The following ADGRD1 variants were observed in gnomAD, a reference collection of about 807,000 sequenced individuals.
The protein encoded by ADGRD1 is G-protein coupled receptor 133.
Under a neutral mutation model 113.4 loss-of-function variants are expected in ADGRD1, and 77 were observed. That is an observed-to-expected ratio of 0.68 (90% CI 0.57 to 0.82). The LOEUF (loss-of-function observed/expected upper bound fraction) is 0.82. ADGRD1 is among the 40% of genes least tolerant of loss of function. The pLI is 0.00. For synonymous variants in ADGRD1, 474 were observed against 475.0 expected (o/e 1.00, Z 0.03); for missense variants, 1,036 against 1,139.1 (o/e 0.91, Z 1.30).
intron 18 of ADGRD1, among the ~76,000 whole-genome samples, chr12:131,115,593 G>A (rs1452223547): frequency 1.3e-5 from 2 of 152,100 alleles, no homozygotes; most frequent in Non-Finnish European, 2.9e-5. Flanking sequence ...AATCTTAGGG[G>A]GCAGATGCCA....
At chr12:131,018,653 C>G (rs1397616114) in intron 13 of ADGRD1, among the ~76,000 whole-genome samples, 1 of 152,206 alleles carries the variant, frequency 6.6e-6, no homozygotes. Flanking sequence ...AAAGAGCCCA[C>G]CTCCCTGATA....
At chr12:130,985,985 C>T (rs1048632363) in intron 5 of ADGRD1, among the ~76,000 whole-genome samples, 1 of 151,826 alleles carries the variant, frequency 6.6e-6, no homozygotes, top group African/African-American at 2.4e-5. Context: ...TTTTATTGGT[C>T]TATCTCTGGG....
intron 2 of ADGRD1, among the ~76,000 whole-genome samples, chr12:130,960,575 T>C (rs201665325): frequency 7.1e-6 from 1 of 141,748 alleles, no homozygotes. Flanking sequence ...TATTTTTGCA[T>C]TTTATCATTC....
At chr12:131,063,513 G>A (rs1301131284) in intron 13 of ADGRD1, among the ~76,000 whole-genome samples, 1 of 152,044 alleles carries the variant, frequency 6.6e-6, no homozygotes, top group Non-Finnish European at 1.5e-5. Flanking sequence ...TTTGTTGAGG[G>A]GGAAAAAAAC....
chr12:131,014,336 G>C lies in ADGRD1; in HGVS notation c.1469G>C (p.Arg490Thr). The stretch of plus-strand genomic sequence containing the variant: ...CTCATTACGGTCCACCTCAAGCACA[G>C]ATTGGTGAGTGGCGGTGCCTTCACC... The part of the protein sequence containing the change: ...SPLITVHLKH[R>T]LTRKQHSEAT... The change falls in exon 13 of 25, where the codon AGA (arginine) becomes ACA (threonine). Residue 490 changes from arginine (R) to threonine (T), a missense_variant. By Grantham distance (71) the Arg-to-Thr change is moderately conservative. Transcript: ENST00000261654. 1.9e-6 allele frequency: 3 copies of C among 1,612,350 alleles called. No homozygotes were observed. The highest frequency in any genetic ancestry group is 2.5e-6 in the Non-Finnish European group (3 of 1,178,970).
chr12:131,033,880 G>C (rs529076021), intron 13 of ADGRD1, among the ~76,000 whole-genome samples: 1 of 152,270 alleles, frequency 6.6e-6, no homozygotes, highest in South Asian at 2.1e-4. Context: ...AGGTGTGAGC[G>C]TCTGTGCATT....
At position 130,993,653 on chromosome 12, in the gene ADGRD1, C is replaced by T. The variant is rs145695438; in HGVS notation, c.966+1261C>T. ...TTAACCTCAGCACACCTGCTTCCCACTGTGACATGGGGACAGTGAGATCGC... is the reference window on the plus strand; with the variant it reads ...TTAACCTCAGCACACCTGCTTCCCATTGTGACATGGGGACAGTGAGATCGC... On this transcript the variant is annotated intron_variant, in intron 8 of 24. Coordinates refer to ENST00000261654, the MANE Select transcript of ADGRD1 (RefSeq NM_198827.5). Among the ~76,000 whole-genome samples, 706 of 152,310 alleles carry T rather than the reference C, an allele frequency of 4.6e-3. 2 individuals are homozygous for T. Among genetic ancestry groups the T allele is most frequent in the Non-Finnish European group, 7.2e-3 (488 of 68,034 alleles).
chr12:131,035,947 A>C (rs1468530742), intron 13 of ADGRD1, among the ~76,000 whole-genome samples: 4 of 152,216 alleles, frequency 2.6e-5, no homozygotes, highest in Non-Finnish European at 5.9e-5. Flanking sequence ...ATTCACACCC[A>C]AGCCAAAACC....
At position 131,108,839 on chromosome 12, in the gene ADGRD1, A is replaced by C; in HGVS notation, c.2003A>C (p.Glu668Ala). The change falls in exon 18 of 25, where the codon GAG (glutamate) becomes GCG (alanine). Residue 668 changes from glutamate to alanine, a missense_variant. By Grantham distance (107) the Glu-to-Ala change is moderately radical (BLOSUM62 -1). Coordinates refer to ENST00000261654, the MANE Select transcript of ADGRD1 (RefSeq NM_198827.5). ...ATGGTGATCAAGGTCTTTGGGTCGGAGGACAGCAAGCACCGTTACTACTAT... is the reference window on the plus strand; with the variant it reads ...ATGGTGATCAAGGTCTTTGGGTCGGCGGACAGCAAGCACCGTTACTACTAT... ...YSMVIKVFGSEDSKHRYYYGM... is the reference protein window; with the variant it reads ...YSMVIKVFGSADSKHRYYYGM... 1 of 1,570,274 alleles carries C rather than the reference A, an allele frequency of 6.4e-7. No individual in the cohort carries two copies. Among genetic ancestry groups the C allele is most frequent in the Non-Finnish European group, 8.7e-7 (1 of 1,152,408 alleles).
At chr12:130,991,406 G>A (rs143851921) in intron 7 of ADGRD1, among the ~76,000 whole-genome samples, 12 of 152,236 alleles carry the variant, frequency 7.9e-5, no homozygotes, top group Admixed American at 4.6e-4. Flanking sequence ...TTCGTTTGAT[G>A]TTAGAGAAAA....
chr12:131,053,850 T>C (rs1446064794), intron 13 of ADGRD1, among the ~76,000 whole-genome samples: 1 of 152,218 alleles, frequency 6.6e-6, no homozygotes, highest in Non-Finnish European at 1.5e-5. Flanking sequence ...GCAGCACCGA[T>C]AGCCCACCAG....
At chr12:131,048,049 C>T (rs1467398151) in intron 13 of ADGRD1, among the ~76,000 whole-genome samples, 1 of 152,308 alleles carries the variant, frequency 6.6e-6, no homozygotes, top group Non-Finnish European at 1.5e-5. Context: ...GGGGGCTTCA[C>T]ATGTGCTCTT....
chr12:130,961,191 G>T (rs1870312163), intron 2 of ADGRD1, among the ~76,000 whole-genome samples: 1 of 152,132 alleles, frequency 6.6e-6, no homozygotes, highest in South Asian at 2.1e-4. Flanking sequence ...AAGAAGAATA[G>T]GGAAATCTGG....
At chr12:130,958,207 C>CT (rs36017791) in intron 2 of ADGRD1, among the ~76,000 whole-genome samples, 79,778 of 119,328 alleles carry the variant, frequency 0.67, 26,975 homozygotes, top group East Asian at 0.98. Context: ...CCAATCCTTT[C>CT]TTTTTTTTTT....
chr12:131,100,642 G>A (rs1950047592), intron 15 of ADGRD1, among the ~76,000 whole-genome samples: 1 of 152,142 alleles, frequency 6.6e-6, no homozygotes, highest in African/African-American at 2.4e-5. Context: ...AAGGTTGATC[G>A]ATAATATGGT....
At chr12:131,002,990 A>G (rs984407784) in intron 9 of ADGRD1, among the ~76,000 whole-genome samples, 195 bp from the exon 10 acceptor site, 1 of 152,142 alleles carries the variant, frequency 6.6e-6, no homozygotes, top group African/African-American at 2.4e-5. Flanking sequence ...GGCTGTGTCC[A>G]TGCTCCGTGA....
At chr12:131,053,007 G>A (rs1883539507) in intron 13 of ADGRD1, among the ~76,000 whole-genome samples, 1 of 152,210 alleles carries the variant, frequency 6.6e-6, no homozygotes, top group African/African-American at 2.4e-5. Context: ...GTCCATGGCT[G>A]TTTTTCTGCC....
At chr12:131,066,876 G>A (rs11830713) in intron 13 of ADGRD1, among the ~76,000 whole-genome samples, 1 of 152,300 alleles carries the variant, frequency 6.6e-6, no homozygotes, top group South Asian at 2.1e-4. Flanking sequence ...CAGGGGCTAC[G>A]GGCAGATCTT....
intron 13 of ADGRD1, among the ~76,000 whole-genome samples, chr12:131,072,794 G>A (rs1354476913): frequency 6.6e-6 from 1 of 152,228 alleles, no homozygotes. Context: ...TTGATCACAT[G>A]TTGGAAGAAG....
Sources: gnomAD v4.1 joint callset for allele counts (sites outside exome capture counted in the v4.1 genomes callset) on GRCh38, gnomAD v4.1.1 for gene constraint, MANE v1.5 for transcripts, NCBI Gene and HGNC (gene_info 2026-07-23, HGNC 2026-07-21) for gene names.